CPNE4: variants seen among roughly 807,000 people sequenced by gnomAD.
The protein encoded by CPNE4 is copine 4, also known as copine-4.
In CPNE4, 25 loss-of-function variants were observed where a neutral mutation model predicts 67.9. The ratio of observed to expected loss-of-function variants is 0.37; its 90% CI spans 0.27 to 0.51. The LOEUF is 0.51. Ranked by LOEUF, CPNE4 falls within the 20% of genes least tolerant of loss-of-function variation. CPNE4 has a pLI of 0.93. For synonymous variants in CPNE4, 242 were observed against 244.9 expected, an observed-to-expected ratio of 0.99 and a Z score of 0.11; for missense variants, 464 against 690.8, an observed-to-expected ratio of 0.67 and a Z score of 3.68.
chr3:131,809,228 GTGATA>G (rs1009509995), intron 2 of CPNE4, among the ~76,000 whole-genome samples: 1 of 152,094 alleles, frequency 6.6e-6, no homozygotes, highest in African/African-American at 2.4e-5. Context: ...TCAGAGTGAT[GTGATA>G]TGAGAACAAC....
At chr3:131,682,958 G>A (rs543309540) in intron 6 of CPNE4, among the ~76,000 whole-genome samples, 9 of 152,090 alleles carry the variant, frequency 5.9e-5, no homozygotes, top group Middle Eastern at 3.4e-3. Context: ...TACCACCAAC[G>A]TTCACTCAGG....
At chr3:131,909,016 A>G (rs1011486257) in intron 1 of CPNE4, among the ~76,000 whole-genome samples, 3 of 152,164 alleles carry the variant, frequency 2.0e-5, no homozygotes, top group Admixed American at 2.0e-4. Context: ...TTCACTACCA[A>G]CTGAAAAACT....
At chr3:131,912,088 C>T (rs2089000337) in intron 1 of CPNE4, among the ~76,000 whole-genome samples, 1 of 134,992 alleles carries the variant, frequency 7.4e-6, no homozygotes, top group African/African-American at 3.0e-5. Flanking sequence ...TCTTTGTTGC[C>T]TTTCACACAA....
chr3:131,551,180 A>T (rs920546855), intron 13 of CPNE4, among the ~76,000 whole-genome samples: 3 of 152,098 alleles, frequency 2.0e-5, no homozygotes, highest in Non-Finnish European at 2.9e-5. Context: ...GGTATTTTAG[A>T]TGAGCAAGTT....
intron 2 of CPNE4, among the ~76,000 whole-genome samples, chr3:131,788,358 T>C (rs2083621351): frequency 6.6e-6 from 1 of 152,130 alleles, no homozygotes; most frequent in Non-Finnish European, 1.5e-5. Context: ...TGATATTGAA[T>C]GTACAATTTC....
chr3:131,921,408 G>A lies in CPNE4; in HGVS notation c.-1-15964C>T, dbSNP rs144992879. On this transcript the variant is annotated intron_variant, in intron 1 of 15. Coordinates refer to ENST00000429747, the MANE Select transcript of CPNE4 (RefSeq NM_130808.3). ...AAATTCAACTTATTGATTACCTAGC[G>A]CCTACCATATGCCCAATACTTGATC... 4.8e-3 allele frequency among the ~76,000 whole-genome samples: 727 copies of A among 152,198 alleles called. 5 individuals carry two copies. Among genetic ancestry groups the A allele is most frequent in the African/African-American group, 0.016 (670 of 41,524 alleles).
chr3:131,933,693 T>C (rs2071135876), intron 1 of CPNE4, among the ~76,000 whole-genome samples: 1 of 152,044 alleles, frequency 6.6e-6, no homozygotes, highest in Non-Finnish European at 1.5e-5. Flanking sequence ...TGGGATACTA[T>C]TTATCTCCTA....
chr3:131,982,066 T>C (rs1316675037), intron 1 of CPNE4, among the ~76,000 whole-genome samples: 1 of 152,216 alleles, frequency 6.6e-6, no homozygotes, highest in African/African-American at 2.4e-5. Flanking sequence ...TGTCCAGAGC[T>C]GCAATCTAGT....
intron 6 of CPNE4, among the ~76,000 whole-genome samples, chr3:131,678,522 A>C (rs1351024365): frequency 2.0e-5 from 3 of 152,264 alleles, no homozygotes; most frequent in African/African-American, 7.2e-5. Context: ...GCAGTTTTCA[A>C]GGGGAATACT....
intron 2 of CPNE4, among the ~76,000 whole-genome samples, chr3:131,792,601 A>G (rs975893155): frequency 3.0e-4 from 33 of 108,208 alleles, no homozygotes; most frequent in Middle Eastern, 4.7e-3. Flanking sequence ...ATATATGTAT[A>G]TGTGTGTGTG....
chr3:131,784,382 T>G (rs949648607), intron 2 of CPNE4, among the ~76,000 whole-genome samples: 4 of 152,114 alleles, frequency 2.6e-5, no homozygotes, highest in South Asian at 4.1e-4. Context: ...CCCTCACTTC[T>G]GCCCCAACCC....
chr3:131,918,969 G>T (rs1450907059), intron 1 of CPNE4, among the ~76,000 whole-genome samples: 1 of 152,118 alleles, frequency 6.6e-6, no homozygotes, highest in African/African-American at 2.4e-5. Flanking sequence ...GAAAAGTGTT[G>T]TAGGGAGCCG....
intron 2 of CPNE4, among the ~76,000 whole-genome samples, chr3:131,837,467 A>G (rs116484333): frequency 3.0e-3 from 450 of 152,262 alleles, no homozygotes; most frequent in Non-Finnish European, 5.3e-3. Context: ...TTCACTTTAT[A>G]TAAGATTCTC....
chr3:131,933,113 T>C (rs573331147), intron 1 of CPNE4, among the ~76,000 whole-genome samples: 1 of 152,204 alleles, frequency 6.6e-6, no homozygotes, highest in African/African-American at 2.4e-5. Flanking sequence ...AGATGGTACC[T>C]TGTGGACTAT....
At chr3:131,696,187 T>C (rs1011242526) in intron 5 of CPNE4, among the ~76,000 whole-genome samples, 9 of 152,238 alleles carry the variant, frequency 5.9e-5, no homozygotes, top group Non-Finnish European at 1.0e-4. Context: ...AAACCTGTAC[T>C]TGGCAAACAT....
intron 7 of CPNE4, among the ~76,000 whole-genome samples, chr3:131,651,630 G>A (rs1294848398): frequency 6.6e-6 from 1 of 152,138 alleles, no homozygotes; most frequent in Non-Finnish European, 1.5e-5. Context: ...CAAGAGGTCT[G>A]CAAATATTCA....
At chr3:131,827,276 T>C (rs1260455179) in intron 2 of CPNE4, among the ~76,000 whole-genome samples, 1 of 152,218 alleles carries the variant, frequency 6.6e-6, no homozygotes, top group East Asian at 1.9e-4. Flanking sequence ...TTCCAAAGTT[T>C]CTTTAGCCTT....
intron 7 of CPNE4, among the ~76,000 whole-genome samples, chr3:131,644,916 T>C (rs140214679): frequency 5.1e-4 from 78 of 152,318 alleles, no homozygotes; most frequent in African/African-American, 1.8e-3. Context: ...GATAATTTAA[T>C]TGCAGGTCAA....
chr3:131,728,737 C>T (rs111549410), intron 2 of CPNE4, among the ~76,000 whole-genome samples: 18,861 of 151,238 alleles, frequency 0.12, 1,353 homozygotes, highest in East Asian at 0.26. Flanking sequence ...GGTGAAACCC[C>T]GTCTCTACTT....
Sources: gnomAD v4.1 joint callset for allele counts (sites outside exome capture counted in the v4.1 genomes callset) on GRCh38, gnomAD v4.1.1 for gene constraint, MANE v1.5 for transcripts, NCBI Gene and HGNC (gene_info 2026-07-23, HGNC 2026-07-21) for gene names.